Variants in ANKS6 observed in about 807,000 individuals in gnomAD.
ANKS6 encodes ankyrin repeat and sterile alpha motif domain containing 6.
In ANKS6, 47 loss-of-function variants were observed where a neutral mutation model predicts 77.9. The ratio of observed to expected loss-of-function variants is 0.60; its 90% CI spans 0.48 to 0.77. ANKS6 has a LOEUF of 0.77. Ranked by LOEUF, ANKS6 falls within the 30% of genes least tolerant of loss-of-function variation. The pLI is 0.00. For missense variants in ANKS6, 1,150 were observed against 1,159.1 expected (o/e 0.99, Z 0.11); for synonymous variants, 488 against 501.7 (o/e 0.97, Z 0.37).
chr9:98,783,084 G>A (rs975635235), intron 4 of ANKS6, among the ~76,000 whole-genome samples: 7 of 127,484 alleles, frequency 5.5e-5, no homozygotes. Context: ...GATACTGTTG[G>A]AAAGAAAAGA....
chr9:98,771,983 T>A (rs1376942252), intron 9 of ANKS6, among the ~76,000 whole-genome samples: 1 of 152,214 alleles, frequency 6.6e-6, no homozygotes, highest in South Asian at 2.1e-4. Context: ...CTCTGCTATA[T>A]GCCTAGTACC....
intron 2 of ANKS6, among the ~76,000 whole-genome samples, chr9:98,788,627 G>A (rs1424071736): frequency 1.3e-5 from 2 of 152,206 alleles, no homozygotes; most frequent in Non-Finnish European, 2.9e-5. Flanking sequence ...ACACGCCAGA[G>A]GATAACCTGC....
At chr9:98,757,681 C>T (rs1042296834) in intron 11 of ANKS6, among the ~76,000 whole-genome samples, 1 of 152,110 alleles carries the variant, frequency 6.6e-6, no homozygotes, top group Non-Finnish European at 1.5e-5. Flanking sequence ...GTAATCCCAG[C>T]ACTTTGGGAG....
chr9:98,783,805 T>C (rs1834408105), intron 4 of ANKS6, 148 bp downstream of exon 4: 1 of 41,146 alleles, frequency 2.4e-5, no homozygotes, highest in Non-Finnish European at 3.0e-5. Flanking sequence ...CTGTGCCGCT[T>C]TTTTTTTTTT....
At chr9:98,795,540 G>A (rs1391427401) in intron 1 of ANKS6, among the ~76,000 whole-genome samples, 2 of 152,080 alleles carry the variant, frequency 1.3e-5, no homozygotes, top group Non-Finnish European at 1.5e-5. Flanking sequence ...CTACCAGCTC[G>A]TGCACCCAAG....
chr9:98,790,746 C>T, intron 1 of ANKS6, 140 bp from the exon 2 acceptor site: 1 of 1,205,778 alleles, frequency 8.3e-7, no homozygotes, highest in Non-Finnish European at 1.1e-6. Context: ...GGCACTGTGC[C>T]AGCCACATGG....
chr9:98,778,312 G>A lies in ANKS6; in HGVS notation c.1481C>T (p.Ala494Val). The A allele has an allele frequency of 6.2e-7, 1 of 1,614,174 alleles. No homozygotes were observed. ...GGCAGCCCTCATTGTGGAGTCCAGA[G>A]CTGGCTCAGGCTCGTCAGAGAAAGG... ...PLPFSDEPEP[A>V]LDSTMRAAPQ... The change falls in exon 7 of 15, where the codon GCT becomes GTT. Residue 494 changes from alanine (A) to valine (V), a missense_variant. Transcript: ENST00000353234.
chr9:98,739,188 G>C (rs1032348722), intron 14 of ANKS6, among the ~76,000 whole-genome samples: 1 of 152,126 alleles, frequency 6.6e-6, no homozygotes, highest in African/African-American at 2.4e-5. Context: ...CTTGGGTAAT[G>C]GGTGCACTAA....
chr9:98,759,053 G>GT (rs531288561), intron 11 of ANKS6, among the ~76,000 whole-genome samples: 49 of 151,506 alleles, frequency 3.2e-4, no homozygotes, highest in African/African-American at 8.0e-4. Context: ...GGTTGATTTT[G>GT]TTTTTTTTAA....
rs369722055 is a variant in ANKS6 at position 98,739,914 on chromosome 9, C to T, written c.2512-3291G>A. On this transcript the variant is annotated intron_variant, in intron 14 of 14. Coordinates refer to ENST00000353234, the MANE Select transcript of ANKS6 (RefSeq NM_173551.5). ...GGGACTACAGGCGCCCGCCACCTCA[C>T]CCGGCTAATTTTTTGTATTTTTAGT... Among the ~76,000 whole-genome samples, 21 of 151,730 alleles carry T rather than the reference C, an allele frequency of 1.4e-4. No homozygotes were observed. The East Asian group carries it at 2.9e-3, about 21-fold the overall frequency.
Position 98,783,952 on chromosome 9 carries a change from C to T in ANKS6, c.1112+1G>A, listed in dbSNP as rs1834417334. The T allele has an allele frequency of 1.3e-6, 2 of 1,586,156 alleles. No homozygotes were observed. Among genetic ancestry groups the T allele is most frequent in the Non-Finnish European group, 1.7e-6 (2 of 1,166,882 alleles). ...GCTGAGGGCGTGGGGCTGGCACTGA[C>T]CCATGGTAGGTTGCCTGCATGAGGG... On this transcript the variant is annotated splice_donor_variant, in intron 4 of 14. Coordinates refer to ENST00000353234, the MANE Select transcript of ANKS6 (RefSeq NM_173551.5). LOFTEE classifies it high-confidence loss of function.
intron 9 of ANKS6, among the ~76,000 whole-genome samples, chr9:98,772,838 G>A (rs1010865580): frequency 4.6e-5 from 7 of 152,138 alleles, no homozygotes; most frequent in African/African-American, 7.2e-5. Flanking sequence ...TACCACACAC[G>A]GTCACCTCTC....
chr9:98,785,116 G>A (rs1319800481), intron 2 of ANKS6, among the ~76,000 whole-genome samples: 7 of 152,130 alleles, frequency 4.6e-5, no homozygotes, highest in Non-Finnish European at 5.9e-5. Flanking sequence ...AGCAGATCAC[G>A]GCCCTGATCT....
intron 11 of ANKS6, among the ~76,000 whole-genome samples, chr9:98,758,283 T>C (rs1832822182): frequency 6.6e-6 from 1 of 151,980 alleles, no homozygotes; most frequent in Non-Finnish European, 1.5e-5. Context: ...TGTGAGATCT[T>C]TCGGGTTGGC....
intron 6 of ANKS6, among the ~76,000 whole-genome samples, chr9:98,779,965 T>C (rs1006789185): frequency 1.3e-5 from 2 of 152,206 alleles, no homozygotes; most frequent in Non-Finnish European, 2.9e-5. Flanking sequence ...CCCGGCCGCG[T>C]GGACCCACAT....
At chr9:98,739,414 T>G (rs1000944087) in intron 14 of ANKS6, among the ~76,000 whole-genome samples, 1 of 152,178 alleles carries the variant, frequency 6.6e-6, no homozygotes, top group African/African-American at 2.4e-5. Flanking sequence ...AACTCCAGCC[T>G]GGGCAACAGA....
At chr9:98,745,978 G>C (rs889624621) in intron 13 of ANKS6, 3 of 373,178 alleles carry the variant, frequency 8.0e-6, no homozygotes, top group Non-Finnish European at 1.5e-5. Flanking sequence ...AGAAATCCAA[G>C]GCCCGCTATT....
chr9:98,735,552 C>A lies in ANKS6; in HGVS notation c.*967G>T. The A allele has an allele frequency of 8.1e-7, 1 of 1,230,560 alleles. No individual in the cohort carries two copies. Among genetic ancestry groups the A allele is most frequent in the Non-Finnish European group, 1.0e-6 (1 of 987,724 alleles). 76.2% of individuals were successfully genotyped at this position (1,230,560 alleles called of 1,614,324 possible). On this transcript the variant is annotated 3_prime_UTR_variant, in exon 15 of 15. Transcript: ENST00000353234. ...AAATTCCAAATTTTCACTTCTTTGC[C>A]TAGAAACTTTGAGCACCAGAGACCT...
chr9:98,741,856 C>T (rs1008198640), intron 14 of ANKS6, among the ~76,000 whole-genome samples: 1 of 152,130 alleles, frequency 6.6e-6, no homozygotes, highest in Non-Finnish European at 1.5e-5. Flanking sequence ...TTAGTTAATA[C>T]TCACTTAAAA....
Sources: allele counts gnomAD v4.1 joint callset (sites outside exome capture counted in the v4.1 genomes callset), GRCh38; gene constraint gnomAD v4.1.1; transcripts MANE v1.5; gene names NCBI Gene and HGNC (gene_info 2026-07-23, HGNC 2026-07-21).